Variants in SGCZ observed in about 807,000 individuals in gnomAD.
SGCZ encodes the protein sarcoglycan zeta.
Under a neutral mutation model 41.3 loss-of-function variants are expected in SGCZ, and 40 were observed. The observed-to-expected ratio is 0.97, with a 90% CI of 0.75 to 1.26. SGCZ has a LOEUF of 1.26. Ranked by LOEUF, SGCZ falls within the 50% of genes most tolerant of loss-of-function variation. The pLI is 0.00. For synonymous variants in SGCZ, 206 were observed against 137.5 expected, an observed-to-expected ratio of 1.50 and a Z score of -3.49; for missense variants, 552 against 369.8, an observed-to-expected ratio of 1.49 and a Z score of -4.04.
chr8:14,122,287 A>G (rs1483319644), intron 5 of SGCZ, among the ~76,000 whole-genome samples: 5 of 152,100 alleles, frequency 3.3e-5, no homozygotes, highest in Non-Finnish European at 7.4e-5. Flanking sequence ...TCCAAAAACA[A>G]AACAAAACAA....
chr8:14,554,713 A>G lies in SGCZ; in HGVS notation c.234+19T>C. ...TCTGAACCAAGAGCAATAAGATGTA[A>G]AATCATAGTGGTACTTACCACAGTG... On this transcript the variant is annotated intron_variant, in intron 2 of 7. Coordinates refer to ENST00000382080, the MANE Select transcript of SGCZ (RefSeq NM_139167.4). 1 of 1,595,726 alleles carries G rather than the reference A, an allele frequency of 6.3e-7. No individual in the cohort carries two copies. Among genetic ancestry groups the G allele is most frequent in the South Asian group, 1.1e-5 (1 of 88,964 alleles).
At chr8:14,250,170 C>A (rs533964769) in intron 3 of SGCZ, among the ~76,000 whole-genome samples, 1 of 152,280 alleles carries the variant, frequency 6.6e-6, no homozygotes, top group African/African-American at 2.4e-5. Flanking sequence ...AGGTGCAGGA[C>A]TAGAAATGGA....
chr8:14,389,697 G>T (rs187840350), intron 2 of SGCZ, among the ~76,000 whole-genome samples: 17 of 152,042 alleles, frequency 1.1e-4, no homozygotes, highest in Admixed American at 4.6e-4. Flanking sequence ...CCCAAGAAGT[G>T]TTAAGCGGCA....
intron 5 of SGCZ, among the ~76,000 whole-genome samples, chr8:14,134,422 G>C (rs901511915): frequency 6.6e-6 from 1 of 152,106 alleles, no homozygotes; most frequent in African/African-American, 2.4e-5. Context: ...AAGATGACAG[G>C]TATGAATGAA....
chr8:14,375,927 G>T (rs1804105140), intron 2 of SGCZ, among the ~76,000 whole-genome samples: 1 of 152,138 alleles, frequency 6.6e-6, no homozygotes, highest in Non-Finnish European at 1.5e-5. Context: ...CAAAATGCTG[G>T]TCCCTGAAAA....
At chr8:14,189,188 A>G (rs1478480091) in intron 4 of SGCZ, among the ~76,000 whole-genome samples, 1 of 151,948 alleles carries the variant, frequency 6.6e-6, no homozygotes, top group African/African-American at 2.4e-5. Context: ...CAAAACCACT[A>G]TCATCTATAA....
intron 1 of SGCZ, among the ~76,000 whole-genome samples, chr8:14,747,707 G>T (rs1365416699): frequency 3.6e-5 from 3 of 82,758 alleles, no homozygotes; most frequent in Admixed American, 1.6e-4. Flanking sequence ...GTGTGTATTT[G>T]TGTGTGTGTG....
At chr8:14,296,613 G>C (rs890034298) in intron 3 of SGCZ, among the ~76,000 whole-genome samples, 4 of 152,010 alleles carry the variant, frequency 2.6e-5, no homozygotes, top group African/African-American at 7.2e-5. Flanking sequence ...TGGAAGGTTC[G>C]TAAAATACAT....
chr8:15,221,975 C>T (rs1437572199), intron 1 of SGCZ, among the ~76,000 whole-genome samples: 1 of 152,158 alleles, frequency 6.6e-6, no homozygotes, highest in Non-Finnish European at 1.5e-5. Flanking sequence ...TCCCTGTGTC[C>T]TAGCACTTAC....
chr8:15,106,788 G>A (rs1806842889), intron 1 of SGCZ, among the ~76,000 whole-genome samples: 1 of 152,014 alleles, frequency 6.6e-6, no homozygotes, highest in Non-Finnish European at 1.5e-5. Flanking sequence ...GGTGGTGATA[G>A]TACTCATCAT....
intron 1 of SGCZ, among the ~76,000 whole-genome samples, chr8:14,610,098 T>C (rs1212236241): frequency 1.3e-5 from 2 of 152,146 alleles, no homozygotes; most frequent in Non-Finnish European, 2.9e-5. Context: ...CTGCTGGAAA[T>C]CTTTGGGGAG....
At chr8:14,508,284 G>T (rs1802367721) in intron 2 of SGCZ, among the ~76,000 whole-genome samples, 1 of 152,112 alleles carries the variant, frequency 6.6e-6, no homozygotes, top group Admixed American at 6.6e-5. Flanking sequence ...GTAGAACAGT[G>T]TCTGGCACAT....
At chr8:14,972,005 T>C (rs1457022941) in intron 1 of SGCZ, among the ~76,000 whole-genome samples, 1 of 152,182 alleles carries the variant, frequency 6.6e-6, no homozygotes, top group East Asian at 1.9e-4. Context: ...TTTTTCTTTT[T>C]TCATAATAAC....
At chr8:15,116,084 C>G (rs1807257690) in intron 1 of SGCZ, among the ~76,000 whole-genome samples, 2 of 152,102 alleles carry the variant, frequency 1.3e-5, no homozygotes, top group South Asian at 2.1e-4. Context: ...CAATCAAAAA[C>G]TTATTCACAA....
intron 1 of SGCZ, among the ~76,000 whole-genome samples, chr8:14,813,710 C>T (rs559778567): frequency 2.0e-5 from 3 of 152,142 alleles, no homozygotes; most frequent in East Asian, 1.9e-4. Context: ...CCAACACTTT[C>T]GGAGAGGGAG....
intron 1 of SGCZ, among the ~76,000 whole-genome samples, chr8:14,916,582 T>C (rs1341033456): frequency 1.3e-5 from 2 of 152,238 alleles, no homozygotes; most frequent in Non-Finnish European, 2.9e-5. Context: ...GTAAGCTCCA[T>C]ATAAGTTAAC....
At chr8:15,040,456 A>C (rs1804050918) in intron 1 of SGCZ, among the ~76,000 whole-genome samples, 1 of 152,136 alleles carries the variant, frequency 6.6e-6, no homozygotes, top group African/African-American at 2.4e-5. Flanking sequence ...TCTACTAAAA[A>C]TACAAAAAAA....
Position 14,463,216 on chromosome 8 carries a change from A to G in SGCZ, c.234+91516T>C, listed in dbSNP as rs1025241460. On this transcript the variant is annotated intron_variant, in intron 2 of 7. Transcript: ENST00000382080. The stretch of plus-strand genomic sequence containing the variant: ...AATTTCTAATATTATGTTGAATAAT[A>G]TTAGAATGGAATCTCATGAGAGCTC... Among the ~76,000 whole-genome samples the G allele has an allele frequency of 3.3e-4, 50 of 151,508 alleles. No individual in the cohort carries two copies. In the Middle Eastern group the frequency reaches 0.01, roughly 31 times the overall value.
intron 3 of SGCZ, among the ~76,000 whole-genome samples, chr8:14,280,911 A>C (rs1800408166): frequency 6.7e-6 from 1 of 149,982 alleles, no homozygotes; most frequent in African/African-American, 2.5e-5. Context: ...CATATGAAAC[A>C]AGAAGGTCAT....
Sources: allele counts gnomAD v4.1 joint callset (sites outside exome capture counted in the v4.1 genomes callset), GRCh38; gene constraint gnomAD v4.1.1; transcripts MANE v1.5; gene names NCBI Gene and HGNC (gene_info 2026-07-23, HGNC 2026-07-21).